BMP6: variants seen among roughly 807,000 people sequenced by gnomAD.
The protein encoded by BMP6 is VG-1-R.
BMP6 carries 17 observed loss-of-function variants against 54.1 expected under a neutral mutation model. That is an observed-to-expected ratio of 0.31 (90% confidence interval 0.22 to 0.47). The LOEUF (loss-of-function observed/expected upper bound fraction) is 0.47, where lower values mean the gene tolerates loss of function less well. BMP6 is among the 20% of genes least tolerant of loss of function. The pLI is 1.00. For missense variants in BMP6, 720 were observed against 690.4 expected (o/e 1.04, Z -0.48); for synonymous variants, 328 against 291.2 (o/e 1.13, Z -1.28).
intron 4 of BMP6, 81 bp downstream of exon 4, chr6:7,862,579 G>T: frequency 6.5e-7 from 1 of 1,550,282 alleles, no homozygotes. Flanking sequence ...AGTCTCAGAT[G>T]TCGGGCAGCT....
chr6:7,757,629 G>C (rs989200214), intron 1 of BMP6, among the ~76,000 whole-genome samples: 6 of 152,192 alleles, frequency 3.9e-5, no homozygotes, highest in African/African-American at 1.4e-4. Flanking sequence ...TATGGCAACT[G>C]TGAGTCCCAA....
chr6:7,831,094 A>G (rs1758786569), intron 1 of BMP6, among the ~76,000 whole-genome samples: 1 of 152,242 alleles, frequency 6.6e-6, no homozygotes, highest in African/African-American at 2.4e-5. Context: ...TGTGGCATGT[A>G]TCCATACAAT....
chr6:7,860,824 C>T (rs975665122), intron 2 of BMP6, among the ~76,000 whole-genome samples: 1 of 152,060 alleles, frequency 6.6e-6, no homozygotes, highest in Admixed American at 6.6e-5. Context: ...TAGGAACAAA[C>T]GAGAAGATTT....
Position 7,820,490 on chromosome 6 carries a change from T to A in BMP6, c.665-24650T>A, listed in dbSNP as rs943036695. Among the ~76,000 whole-genome samples the A allele has an allele frequency of 2.0e-5, 3 of 152,162 alleles. No homozygotes were observed. The South Asian group carries it at 6.2e-4, about 32-fold the overall frequency. Reference sequence around the variant, plus strand: ...TTTTTGCTTCACGTGACCCCTTCTGTCCCCACCAAAGGGAGTTCTGCCTGG... The same window carrying A: ...TTTTTGCTTCACGTGACCCCTTCTGACCCCACCAAAGGGAGTTCTGCCTGG... On this transcript the variant is annotated intron_variant, in intron 1 of 6. Transcript: ENST00000283147.
chr6:7,834,519 G>T (rs575345802), intron 1 of BMP6, among the ~76,000 whole-genome samples: 6 of 148,412 alleles, frequency 4.0e-5, no homozygotes, highest in Non-Finnish European at 8.9e-5. Context: ...GGAGCAATTT[G>T]AATTTTTTTT....
chr6:7,735,071 A>AAG (rs1209603635), intron 1 of BMP6, among the ~76,000 whole-genome samples: 1 of 152,060 alleles, frequency 6.6e-6, no homozygotes, highest in African/African-American at 2.4e-5. Flanking sequence ...CCACGGGGGG[A>AAG]AGTGGAGTGG....
chr6:7,841,315 G>A (rs1758965484), intron 1 of BMP6, among the ~76,000 whole-genome samples: 1 of 152,086 alleles, frequency 6.6e-6, no homozygotes, highest in South Asian at 2.1e-4. Context: ...GTATAAAGTA[G>A]GTACTGAGGG....
intron 1 of BMP6, among the ~76,000 whole-genome samples, chr6:7,835,938 G>T (rs1188669388): frequency 6.6e-6 from 1 of 151,970 alleles, no homozygotes; most frequent in Non-Finnish European, 1.5e-5. Context: ...CCGGGTTCAA[G>T]CTATTCTCCT....
chr6:7,808,203 A>C (rs1249019950), intron 1 of BMP6, among the ~76,000 whole-genome samples: 2 of 152,278 alleles, frequency 1.3e-5, no homozygotes, highest in South Asian at 2.1e-4. Context: ...TACAGGCGTG[A>C]GCCACCGCGC....
chr6:7,844,591 A>G (rs1440344156), intron 1 of BMP6, among the ~76,000 whole-genome samples: 1 of 152,068 alleles, frequency 6.6e-6, no homozygotes, highest in Non-Finnish European at 1.5e-5. Context: ...GCCCAGGCAA[A>G]ATGCTTTGCC....
chr6:7,872,296 A>G (rs1759541381), intron 4 of BMP6, among the ~76,000 whole-genome samples: 1 of 151,482 alleles, frequency 6.6e-6, no homozygotes, highest in Non-Finnish European at 1.5e-5. Context: ...ATCTGTTTAA[A>G]AAAAAAAAAA....
intron 1 of BMP6, among the ~76,000 whole-genome samples, chr6:7,734,773 G>A (rs549366645): frequency 3.3e-5 from 5 of 152,200 alleles, no homozygotes; most frequent in Non-Finnish European, 1.5e-5. Flanking sequence ...TAATAGAGAT[G>A]ATATCTAAAT....
At chr6:7,732,134 A>G (rs1352666351) in intron 1 of BMP6, among the ~76,000 whole-genome samples, 17 of 152,222 alleles carry the variant, frequency 1.1e-4, no homozygotes. Flanking sequence ...ACATAGCATC[A>G]GTAGTACTGT....
intron 2 of BMP6, among the ~76,000 whole-genome samples, chr6:7,853,555 A>C (rs1215235098): frequency 1.3e-5 from 2 of 152,164 alleles, no homozygotes; most frequent in Non-Finnish European, 2.9e-5. Context: ...TTCTTTTTTG[A>C]AGAGAAGGGC....
intron 1 of BMP6, among the ~76,000 whole-genome samples, chr6:7,790,424 G>T (rs1000574410): frequency 6.6e-5 from 10 of 150,950 alleles, no homozygotes; most frequent in South Asian, 2.1e-4. Flanking sequence ...AGGTTGAGGT[G>T]GGGGGATGAC....
intron 1 of BMP6, among the ~76,000 whole-genome samples, chr6:7,749,788 A>G (rs1463566649): frequency 6.6e-6 from 1 of 152,348 alleles, no homozygotes; most frequent in South Asian, 2.1e-4. Context: ...TAACTTTCTT[A>G]AAGTATGGTT....
At chr6:7,830,571 G>A (rs1218416146) in intron 1 of BMP6, among the ~76,000 whole-genome samples, 2 of 152,190 alleles carry the variant, frequency 1.3e-5, no homozygotes, top group African/African-American at 2.4e-5. Context: ...GATGGAGAGT[G>A]TATTAGTCCA....
At chr6:7,852,804 A>G (rs1394178624) in intron 2 of BMP6, among the ~76,000 whole-genome samples, 2 of 152,124 alleles carry the variant, frequency 1.3e-5, no homozygotes, top group Non-Finnish European at 2.9e-5. Context: ...TATCTGGTAA[A>G]TACCTCAAGT....
At position 7,815,370 on chromosome 6, in the gene BMP6, C is replaced by A. The variant is rs184481404; in HGVS notation, c.665-29770C>A. On this transcript the variant is annotated intron_variant, in intron 1 of 6. Coordinates refer to ENST00000283147, the MANE Select transcript of BMP6 (RefSeq NM_001718.6). ...AAAAATATCTGGGCTTGAATCCTGG[C>A]TCTGCCACTGATAAGCTTTAAGAAT... Among the ~76,000 whole-genome samples the A allele has an allele frequency of 5.6e-4, 85 of 152,302 alleles. 1 individual carries two copies. The East Asian group carries it at 0.013, about 23-fold the overall frequency.
Sources: allele counts gnomAD v4.1 joint callset (sites outside exome capture counted in the v4.1 genomes callset), GRCh38; gene constraint gnomAD v4.1.1; transcripts MANE v1.5; gene names NCBI Gene and HGNC (gene_info 2026-07-23, HGNC 2026-07-21).